The following DRC9 variants were observed in gnomAD, a reference collection of about 807,000 sequenced individuals.
DRC9 encodes the protein dynein regulatory complex subunit 9.
the DRC9 span, chr3:197,956,630 T>C: frequency 6.6e-6 from 1 of 151,742 alleles, no homozygotes; most frequent in African/African-American, 2.4e-5. Flanking sequence ...TATGGTTTTT[T>C]TTTTTTTTTT....
the DRC9 span, among the ~76,000 whole-genome samples, chr3:197,938,171 G>A: frequency 2.0e-5 from 3 of 151,814 alleles, no homozygotes; most frequent in African/African-American, 7.3e-5. Flanking sequence ...ACAAAAATTA[G>A]CCGGGCATGG....
the DRC9 span, among the ~76,000 whole-genome samples, chr3:197,924,084 G>A: frequency 4.0e-5 from 6 of 151,616 alleles, no homozygotes; most frequent in Non-Finnish European, 7.4e-5. Flanking sequence ...GGCTGGGCAC[G>A]GTGGCTCACA....
the DRC9 span, chr3:197,950,193 C>G: frequency 8.1e-7 from 1 of 1,231,714 alleles, no homozygotes; most frequent in Non-Finnish European, 1.0e-6. Context: ...CCTCGTCCTT[C>G]TCTTACCGCC....
the DRC9 span, among the ~76,000 whole-genome samples, chr3:197,928,658 A>T: frequency 6.6e-6 from 1 of 151,832 alleles, no homozygotes; most frequent in Non-Finnish European, 1.5e-5. Flanking sequence ...CCCTCTGTTC[A>T]CTCTTGAAAC....
At chr3:197,909,394 T>G in the DRC9 span, among the ~76,000 whole-genome samples, 1 of 152,300 alleles carries the variant, frequency 6.6e-6, no homozygotes, top group Non-Finnish European at 1.5e-5. Flanking sequence ...GAAATCCAAA[T>G]GAATCCACTG....
the DRC9 span, among the ~76,000 whole-genome samples, chr3:197,931,257 G>A: frequency 6.6e-6 from 1 of 151,960 alleles, no homozygotes; most frequent in Non-Finnish European, 1.5e-5. Flanking sequence ...TGAGATGGGT[G>A]GACCACTTGC....
chr3:197,910,321 AT>A, the DRC9 span, among the ~76,000 whole-genome samples: 4 of 152,166 alleles, frequency 2.6e-5, no homozygotes, highest in Admixed American at 2.0e-4. Flanking sequence ...AAATAAAAAA[AT>A]ATATACTTAT....
At chr3:197,904,234 T>C in the DRC9 span, among the ~76,000 whole-genome samples, 2 of 151,526 alleles carry the variant, frequency 1.3e-5, no homozygotes, top group Admixed American at 6.6e-5. Flanking sequence ...AAATCAAAAC[T>C]ACGAGACATC....
At chr3:197,902,679 A>G in the DRC9 span, among the ~76,000 whole-genome samples, 1 of 152,126 alleles carries the variant, frequency 6.6e-6, no homozygotes, top group South Asian at 2.1e-4. Flanking sequence ...AGACAAAAGA[A>G]AAAAGGATAA....
chr3:197,910,656 C>A, the DRC9 span, among the ~76,000 whole-genome samples: 4 of 152,124 alleles, frequency 2.6e-5, no homozygotes, highest in African/African-American at 9.7e-5. Context: ...AAAATTTTCT[C>A]TTTATTCATC....
chr3:197,953,428 T>G, the DRC9 span: 1 of 456,714 alleles, frequency 2.2e-6, no homozygotes, highest in South Asian at 1.5e-5. Flanking sequence ...CGAACCACAG[T>G]AGTTTCTCTC....
chr3:197,955,892 A>C, the DRC9 span: 6 of 872,908 alleles, frequency 6.9e-6, no homozygotes, highest in African/African-American at 9.9e-5. Flanking sequence ...GTTGCTCAGC[A>C]TTTTTGGAGT....
chr3:197,945,744 T>G, the DRC9 span: 11 of 713,440 alleles, frequency 1.5e-5, no homozygotes, highest in South Asian at 1.9e-4. Flanking sequence ...GATGTTTCAG[T>G]TATTTCTATA....
the DRC9 span, among the ~76,000 whole-genome samples, chr3:197,921,846 T>C: frequency 2.9e-5 from 4 of 138,318 alleles, no homozygotes; most frequent in Admixed American, 1.4e-4. Flanking sequence ...TCATCTTGAT[T>C]GACCCGACTA....
At chr3:197,905,469 G>T in the DRC9 span, among the ~76,000 whole-genome samples, 23 of 152,118 alleles carry the variant, frequency 1.5e-4, no homozygotes. Context: ...ATAACAGGCC[G>T]GGTGTGATGG....
the DRC9 span, among the ~76,000 whole-genome samples, chr3:197,893,218 A>AGGTG: frequency 6.6e-6 from 1 of 151,970 alleles, no homozygotes. Flanking sequence ...TTAGCTGGGC[A>AGGTG]TGGTGGCGCA....
At chr3:197,938,743 T>C in the DRC9 span, 4 of 1,613,870 alleles carry the variant, frequency 2.5e-6, no homozygotes, top group Non-Finnish European at 3.4e-6. Context: ...TGGAAGTTTG[T>C]CTAGATTCGT....
the DRC9 span, among the ~76,000 whole-genome samples, chr3:197,899,552 T>C: frequency 6.6e-6 from 1 of 152,120 alleles, no homozygotes; most frequent in East Asian, 1.9e-4. Flanking sequence ...TGAGAACCCC[T>C]GTCTCAAAGA....
the DRC9 span, among the ~76,000 whole-genome samples, chr3:197,946,947 C>T: frequency 2.0e-5 from 3 of 152,240 alleles, no homozygotes; most frequent in Admixed American, 6.5e-5. Context: ...CTCAGCCTCC[C>T]GAGTAACTGG....
Sources: gnomAD v4.1 joint callset for allele counts (sites outside exome capture counted in the v4.1 genomes callset) on GRCh38, gnomAD v4.1.1 for gene constraint, MANE v1.5 for transcripts, NCBI Gene and HGNC (gene_info 2026-07-23, HGNC 2026-07-21) for gene names.